The following MED1 variants were observed in gnomAD, a reference collection of about 807,000 sequenced individuals.
The protein encoded by MED1 is mediator of RNA polymerase II transcription subunit 1.
Under a neutral mutation model 121.3 loss-of-function variants are expected in MED1, and 17 were observed. That is an observed-to-expected ratio of 0.14 (90% CI 0.10 to 0.21). MED1 has a LOEUF of 0.21. MED1 is among the 10% of genes least tolerant of loss of function. The pLI, the probability that MED1 is intolerant of heterozygous loss-of-function variation, is 1.00. For synonymous variants in MED1, 661 were observed against 694.4 expected (o/e 0.95, Z 0.76); for missense variants, 1,558 against 1,919.4 (o/e 0.81, Z 3.52).
chr17:39,441,710 G>A (rs2035657350), intron 3 of MED1, among the ~76,000 whole-genome samples: 1 of 152,138 alleles, frequency 6.6e-6, no homozygotes, highest in South Asian at 2.1e-4. Context: ...GGGCGCAGTG[G>A]TTGCAGTGAG....
Position 39,409,524 on chromosome 17 carries a change from T to C in MED1, c.2697A>G (p.Ala899=). Residue 899 remains alanine, a synonymous_variant, in exon 17 of 17, where the codon GCA becomes GCG. Coordinates refer to ENST00000300651, the MANE Select transcript of MED1 (RefSeq NM_004774.4). ...CCCCCAAAGTATTTAGTGCCTGAGA[T>C]GCAAATCCTTTGAAATCATCATTAT... ...SGDNDDFKGF[A]SQALNTLGVP... 6.2e-7 allele frequency: 1 copy of C among 1,614,200 alleles called. No homozygotes were observed. Among genetic ancestry groups the C allele is most frequent in the Non-Finnish European group, 8.5e-7 (1 of 1,180,044 alleles).
At position 39,408,775 on chromosome 17, in the gene MED1, G is replaced by A; in HGVS notation, c.3446C>T (p.Ser1149Phe). Residue 1149 changes from serine (S) to phenylalanine (F), a missense_variant, in exon 17 of 17, where the codon TCT becomes TTT. Physicochemically the swap from Ser to Phe is radical, Grantham distance 155. Around this residue, in one of 5 missense-constraint regions of MED1, gnomAD observed 793 missense variants for 898.2 expected, o/e 0.88. Transcript: ENST00000300651. The surrounding 1 kb of genome is among the most constrained non-coding windows in gnomAD (Gnocchi z 4.7). ...GGGAGAGGAGCCTGGCTTCCCCCCA[G>A]ACTGGGATGAATTTTTGGACTGGCT... Reference protein sequence around the residue: ...GSSQSKNSSQSGGKPGSSPIT... With the variant: ...GSSQSKNSSQFGGKPGSSPIT... The A allele has an allele frequency of 6.2e-7, 1 of 1,614,112 alleles. No homozygotes were observed. The highest frequency in any genetic ancestry group is 8.5e-7 in the Non-Finnish European group (1 of 1,179,994).
At position 39,408,217 on chromosome 17, in the gene MED1, G is replaced by C. The variant is rs774406184; in HGVS notation, c.4004C>G (p.Ser1335Cys). The C allele has an allele frequency of 1.2e-6, 2 of 1,614,080 alleles. No homozygotes were observed. The highest frequency in any genetic ancestry group is 2.2e-5 in the South Asian group (2 of 91,084). Residue 1335 changes from serine to cysteine, a missense_variant, in exon 17 of 17, where the codon TCT becomes TGT. Coordinates refer to ENST00000300651, the MANE Select transcript of MED1 (RefSeq NM_004774.4). The surrounding 1 kb of genome is among the most constrained non-coding windows in gnomAD (Gnocchi z 4.7). Reference sequence around the variant, plus strand: ...TTTGGAGGACATAGGATGGCTGGAAGAATTTGTGCTCACCCCCATCTGGCC... The same window carrying C: ...TTTGGAGGACATAGGATGGCTGGAACAATTTGTGCTCACCCCCATCTGGCC... ...LDGQMGVSTNSSSHPMSSKHN... is the reference protein window; with the variant it reads ...LDGQMGVSTNCSSHPMSSKHN...
Position 39,427,780 on chromosome 17 carries a change from C to T in MED1, c.660G>A (p.Met220Ile), listed in dbSNP as rs1056387030. Reference protein sequence around the residue: ...YLTPRSGGHLMNLKYYVSPSD... With the variant: ...YLTPRSGGHLINLKYYVSPSD... The stretch of plus-strand genomic sequence containing the variant: ...AAGGAGAGACATAGTACTTCAGGTT[C>T]ATTAAATGACCTATAAAAAATAAAA... The change falls in exon 10 of 17, where the codon ATG (methionine) becomes ATA (isoleucine). Residue 220 changes from methionine (M) to isoleucine (I), a missense_variant. By Grantham distance (10) the Met-to-Ile change is conservative (BLOSUM62 1). Around this residue, in one of 5 missense-constraint regions of MED1, gnomAD observed 443 missense variants for 532.4 expected, o/e 0.83. Transcript: ENST00000300651. The T allele has an allele frequency of 6.3e-7, 1 of 1,586,436 alleles. No individual in the cohort carries two copies. Among genetic ancestry groups the T allele is most frequent in the Non-Finnish European group, 8.6e-7 (1 of 1,158,292 alleles).
Position 39,408,844 on chromosome 17 carries a change from T to C in MED1, c.3377A>G (p.Lys1126Arg), listed in dbSNP as rs759023737. Residue 1126 changes from lysine to arginine, a missense_variant, in exon 17 of 17, where the codon AAG (lysine) becomes AGG (arginine). Around this residue, in one of 5 missense-constraint regions of MED1, gnomAD observed 793 missense variants for 898.2 expected, o/e 0.88. Coordinates refer to ENST00000300651, the MANE Select transcript of MED1 (RefSeq NM_004774.4). The surrounding 1 kb of genome is among the most constrained non-coding windows in gnomAD (Gnocchi z 4.7). Reference protein sequence around the residue: ...SSKSEGSSSSKLSSSMYSSQG... With the variant: ...SSKSEGSSSSRLSSSMYSSQG... ...GCTAGAATACATACTGCTACTTAAC[T>C]TGGAACTTGATGAACCTTCTGATTT... 2.5e-6 allele frequency: 4 copies of C among 1,614,162 alleles called. No individual in the cohort carries two copies. The East Asian group carries it at 8.9e-5, about 36-fold the overall frequency.
At chr17:39,422,917 G>A (rs1422213954) in intron 13 of MED1, among the ~76,000 whole-genome samples, 1 of 140,702 alleles carries the variant, frequency 7.1e-6, no homozygotes, top group African/African-American at 2.7e-5. Context: ...CCAGGCTGGA[G>A]CACAATGGCA....
chr17:39,417,274 G>C (rs889832481), intron 14 of MED1, among the ~76,000 whole-genome samples: 5 of 151,192 alleles, frequency 3.3e-5, no homozygotes, highest in Non-Finnish European at 4.4e-5. Context: ...AGGTTGCAGT[G>C]AGTGAAGATC....
intron 9 of MED1, among the ~76,000 whole-genome samples, chr17:39,428,456 C>T (rs969732573): frequency 2.6e-5 from 4 of 151,904 alleles, no homozygotes; most frequent in African/African-American, 9.7e-5. Context: ...TGCACTCCAG[C>T]CCTGGCAACA....
intron 8 of MED1, 119 bp from the exon 9 acceptor site, chr17:39,431,307 C>CGAA: frequency 1.3e-6 from 1 of 772,352 alleles, no homozygotes; most frequent in Non-Finnish European, 2.1e-6. Flanking sequence ...GACGGAGTTT[C>CGAA]GCTCTTGTCG....
In MED1 at chr17:39,415,019, A is replaced by AG; in HGVS notation, c.1499+6dup. On this transcript the variant is annotated splice_region_variant and intron_variant, in intron 16 of 16. Coordinates refer to ENST00000300651, the MANE Select transcript of MED1 (RefSeq NM_004774.4). ...ATGGGACTCAGATGAAAAAGGGCCA[A>AG]GGCTACCTTTGAACAACTTTGGCAA... is the stretch of plus-strand genomic sequence containing the variant. 1 of 1,612,622 alleles carries AG rather than the reference A, an allele frequency of 6.2e-7. No individual in the cohort carries two copies. The highest frequency in any genetic ancestry group is 8.5e-7 in the Non-Finnish European group (1 of 1,178,714).
rs113855246 is a variant in MED1 at position 39,431,248 on chromosome 17, T to C, written c.576-60A>G. On this transcript the variant is annotated intron_variant, in intron 8 of 16. Coordinates refer to ENST00000300651, the MANE Select transcript of MED1 (RefSeq NM_004774.4). ...AATCCCTGATGGTCTTGGTACACAC[T>C]GTGATATTGAGTTCACCTCTCCGAA... is the stretch of plus-strand genomic sequence containing the variant. The C allele has an allele frequency of 1.6e-3, 2,210 of 1,349,096 alleles. 5 individuals are homozygous for C. Among genetic ancestry groups the C allele is most frequent in the Non-Finnish European group, 2.0e-3 (1,895 of 953,150 alleles). 83.6% of individuals were successfully genotyped at this position (1,349,096 alleles called of 1,614,324 possible).
chr17:39,434,530 T>C (rs1377192612), intron 6 of MED1, among the ~76,000 whole-genome samples: 1 of 152,192 alleles, frequency 6.6e-6, no homozygotes, highest in African/African-American at 2.4e-5. Context: ...CCATTTTTTC[T>C]GGAGAAGGTG....
At chr17:39,443,927 G>A (rs1316957731) in intron 2 of MED1, among the ~76,000 whole-genome samples, 2 of 152,070 alleles carry the variant, frequency 1.3e-5, no homozygotes, top group Non-Finnish European at 2.9e-5. Context: ...CCAGGAGTTC[G>A]AGACCAGCCA....
chr17:39,437,458 A>G (rs2144760800), intron 6 of MED1, among the ~76,000 whole-genome samples: 1 of 152,258 alleles, frequency 6.6e-6, no homozygotes, highest in African/African-American at 2.4e-5. Flanking sequence ...GTAACAACTA[A>G]GGAGATACTA....
In MED1 at chr17:39,409,689, A is replaced by T. The variant is rs1201616050; in HGVS notation, c.2532T>A (p.Asp844Glu). ...AGTCACTACTGGGGCTTCCAGCAGC[A>T]TCTGCAATAAGATCAGCTGGATCAG... Reference protein sequence around the residue: ...PYTDPADLIADAAGSPSSDSP... With the variant: ...PYTDPADLIAEAAGSPSSDSP... The change falls in exon 17 of 17, where the codon GAT becomes GAA. Residue 844 changes from aspartate to glutamate, a missense_variant. By Grantham distance (45) the Asp-to-Glu change is conservative. Around this residue, in one of 5 missense-constraint regions of MED1, gnomAD observed 793 missense variants for 898.2 expected, o/e 0.88. Transcript: ENST00000300651. 2 of 1,614,194 alleles carry T rather than the reference A, an allele frequency of 1.2e-6. No homozygotes were observed. The highest frequency in any genetic ancestry group is 1.7e-6 in the Non-Finnish European group (2 of 1,180,048).
chr17:39,439,081 A>G (rs116519826), intron 6 of MED1, 84 bp downstream of exon 6: 6 of 1,237,970 alleles, frequency 4.8e-6, no homozygotes, highest in African/African-American at 3.1e-5. Flanking sequence ...CCTGAGGAGA[A>G]TAACTTCTGA....
At chr17:39,413,457 T>G (rs763410619) in intron 16 of MED1, among the ~76,000 whole-genome samples, 37 of 152,192 alleles carry the variant, frequency 2.4e-4, no homozygotes, top group Admixed American at 2.4e-3. Flanking sequence ...AGATGACATC[T>G]CAACATGTTG....
chr17:39,405,612 T>C lies in MED1; in HGVS notation c.*1863A>G. Reference sequence around the variant, plus strand: ...CTGGTATCACCTGCCCATATCCTCCTTAGTGTCACCCAAGACATTTGACTC... The same window carrying C: ...CTGGTATCACCTGCCCATATCCTCCCTAGTGTCACCCAAGACATTTGACTC... On this transcript the variant is annotated 3_prime_UTR_variant, in exon 17 of 17. Transcript: ENST00000300651. The C allele has an allele frequency of 8.7e-7, 1 of 1,147,690 alleles. No homozygotes were observed. 71.1% of individuals were successfully genotyped at this position (1,147,690 alleles called of 1,614,324 possible).
At chr17:39,421,365 C>T (rs1414869998) in intron 13 of MED1, among the ~76,000 whole-genome samples, 2 of 151,706 alleles carry the variant, frequency 1.3e-5, no homozygotes, top group Non-Finnish European at 2.9e-5. Context: ...ATCTGGCCAA[C>T]ATGGTAAAAC....
Sources: gnomAD v4.1 joint callset for allele counts (sites outside exome capture counted in the v4.1 genomes callset) on GRCh38, gnomAD v4.1.1 for gene constraint, gnomAD v4.1.1 regional missense constraint, Gnocchi (gnomAD v3.1) non-coding constraint, MANE v1.5 for transcripts, NCBI Gene and HGNC (gene_info 2026-07-23, HGNC 2026-07-21) for gene names.